IFT140: variants seen among roughly 807,000 people sequenced by gnomAD.
IFT140 encodes intraflagellar transport 140.
In IFT140, 133 loss-of-function variants were observed where a neutral mutation model predicts 164.6. The ratio of observed to expected loss-of-function variants is 0.81; its 90% CI spans 0.70 to 0.93. The LOEUF is 0.93. Ranked by LOEUF, IFT140 falls within the 40% of genes least tolerant of loss-of-function variation. The pLI is 0.00. For synonymous variants in IFT140, 860 were observed against 817.3 expected, an observed-to-expected ratio of 1.05 and a Z score of -0.89; for missense variants, 2,045 against 1,972.3, an observed-to-expected ratio of 1.04 and a Z score of -0.70.
chr16:1,546,594 C>T (rs1289576868), intron 19 of IFT140, among the ~76,000 whole-genome samples: 2 of 152,210 alleles, frequency 1.3e-5, no homozygotes, highest in Non-Finnish European at 2.9e-5. Context: ...AGGCGCATCC[C>T]ACGTGCTCCC....
rs776597097 is a variant in IFT140 at position 1,592,469 on chromosome 16, G to A, written c.489C>T (p.Gly163=). The change falls in exon 5 of 31, where the codon GGC becomes GGT. Residue 163 remains glycine, a splice_region_variant and synonymous_variant. Coordinates refer to ENST00000426508, the MANE Select transcript of IFT140 (RefSeq NM_014714.4). ...CACAGGGCAAGCCCCACACTTACTC[G>A]CCAGGAGGGGGGAGCCGGAAGATGC... ...THCIFRLPPP[G]EDLVQLAKAA... 3.7e-6 allele frequency: 6 copies of A among 1,613,974 alleles called. No individual in the cohort carries two copies. Among genetic ancestry groups the A allele is most frequent in the Non-Finnish European group, 3.4e-6 (4 of 1,179,970 alleles).
Position 1,562,041 on chromosome 16 carries a change from C to A in IFT140, c.2143G>T (p.Ala715Ser), listed in dbSNP as rs1282622431. 1.2e-6 allele frequency: 2 copies of A among 1,611,604 alleles called. No individual in the cohort carries two copies. Among genetic ancestry groups the A allele is most frequent in the African/African-American group, 1.3e-5 (1 of 74,880 alleles). ...ATCCCCAGGAGACTGTGGGAGGTGG[C>A]AGGCCGGGGGAAGCTCTCATGAAGC... ...FLLHESFPRP[A>S]TSHSLLGMEV... Residue 715 changes from alanine to serine, a missense_variant, in exon 18 of 31, where the codon GCC becomes TCC. Coordinates refer to ENST00000426508, the MANE Select transcript of IFT140 (RefSeq NM_014714.4).
At position 1,566,265 on chromosome 16, in the gene IFT140, G is replaced by C; in HGVS notation, c.1797C>G (p.Ile599Met). The change falls in exon 16 of 31, where the codon ATC becomes ATG. Residue 599 changes from isoleucine to methionine, a missense_variant. Coordinates refer to ENST00000426508, the MANE Select transcript of IFT140 (RefSeq NM_014714.4). Reference sequence around the variant, plus strand: ...TGTCCATTTCAACATCGTAGAAGCAGATTTTGGAATCAGGGCTGTTGTCAG... The same window carrying C: ...TGTCCATTTCAACATCGTAGAAGCACATTTTGGAATCAGGGCTGTTGTCAG... Reference protein sequence around the residue: ...SKADNSPDSKICFYDVEMDTV... With the variant: ...SKADNSPDSKMCFYDVEMDTV... 6.2e-7 allele frequency: 1 copy of C among 1,613,726 alleles called. No individual in the cohort carries two copies. The highest frequency in any genetic ancestry group is 1.3e-5 in the African/African-American group (1 of 75,042).
chr16:1,591,830 C>T (rs1182009902), intron 6 of IFT140, among the ~76,000 whole-genome samples: 1 of 152,230 alleles, frequency 6.6e-6, no homozygotes, highest in Non-Finnish European at 1.5e-5. Context: ...TTGATAATTA[C>T]ACAGACTGAA....
intron 3 of IFT140, chr16:1,604,350 C>CATTAAT (rs767358238): frequency 4.8e-5 from 7 of 146,136 alleles, no homozygotes; most frequent in Non-Finnish European, 1.0e-4. Flanking sequence ...GGCCACTTAG[C>CATTAAT]CACTTTCACC....
rs371891615 is a variant in IFT140, at chr16:1,561,981, G to A, written c.2199+4C>T. The A allele has an allele frequency of 5.0e-6, 8 of 1,596,308 alleles. No individual in the cohort carries two copies. Among genetic ancestry groups the A allele is most frequent in the African/African-American group, 1.4e-5 (1 of 73,970 alleles). ...ACACCTGTGCGGATGTCGTGGCTTC[G>A]TACCTTTCTTGTGAAGTAGTAATAA... is the stretch of plus-strand genomic sequence containing the variant. On this transcript the variant is annotated splice_donor_region_variant and intron_variant, in intron 18 of 30. Transcript: ENST00000426508.
At position 1,589,747 on chromosome 16, in the gene IFT140, G is replaced by A. The variant is rs764257641; in HGVS notation, c.668C>T (p.Thr223Ile). 4 of 1,614,058 alleles carry A rather than the reference G, an allele frequency of 2.5e-6. No homozygotes were observed. The highest frequency in any genetic ancestry group is 1.1e-5 in the South Asian group (1 of 91,088). Residue 223 changes from threonine (T) to isoleucine (I), a missense_variant, in exon 7 of 31, where the codon ACC (threonine) becomes ATC (isoleucine). Coordinates refer to ENST00000426508, the MANE Select transcript of IFT140 (RefSeq NM_014714.4). ...TVHYVDEKGK[T>I]TQVVSADSTI... Reference sequence around the variant, plus strand: ...GCTGTCTGCGGACACCACCTGAGTGGTCTTGCCCTTCTCATCCACATAGTG... The same window carrying A: ...GCTGTCTGCGGACACCACCTGAGTGATCTTGCCCTTCTCATCCACATAGTG...
intron 26 of IFT140, among the ~76,000 whole-genome samples, chr16:1,521,756 C>A (rs1408773071): frequency 6.6e-6 from 1 of 151,088 alleles, no homozygotes; most frequent in African/African-American, 2.4e-5. Context: ...CATGTTGGCT[C>A]ATGCCTGTAA....
intron 4 of IFT140, among the ~76,000 whole-genome samples, chr16:1,596,670 G>A (rs1036499340): frequency 3.3e-5 from 5 of 152,198 alleles, no homozygotes; most frequent in Admixed American, 1.3e-4. Flanking sequence ...GACGCAATGA[G>A]TCAAATATTC....
intron 3 of IFT140, among the ~76,000 whole-genome samples, chr16:1,604,243 C>T (rs2035937797): frequency 6.7e-6 from 1 of 149,744 alleles, no homozygotes; most frequent in Non-Finnish European, 1.5e-5. Context: ...ACAGGGGAGC[C>T]GCTGACCAGC....
intron 4 of IFT140, among the ~76,000 whole-genome samples, chr16:1,593,536 G>A (rs959710804): frequency 3.3e-5 from 5 of 152,178 alleles, no homozygotes; most frequent in East Asian, 1.9e-4. Context: ...GGGACCCCAC[G>A]TGACATCTGG....
intron 19 of IFT140, among the ~76,000 whole-genome samples, chr16:1,540,066 C>A (rs536498636): frequency 6.6e-6 from 1 of 152,110 alleles, no homozygotes; most frequent in African/African-American, 2.4e-5. Context: ...GGTAGGACGG[C>A]GGGGGGACCC....
At chr16:1,601,696 G>A (rs2035804294) in intron 4 of IFT140, among the ~76,000 whole-genome samples, 1 of 152,210 alleles carries the variant, frequency 6.6e-6, no homozygotes, top group Non-Finnish European at 1.5e-5. Context: ...GCACTTGTGT[G>A]TGCCTGAAGC....
intron 19 of IFT140, chr16:1,542,155 T>C (rs2031714732): frequency 7.0e-7 from 1 of 1,418,746 alleles, no homozygotes. Context: ...CCTGAGGCCT[T>C]GGGTGGCCTG....
rs920269870 is a variant in IFT140 at position 1,526,427 on chromosome 16, C to A, written c.2577+192G>T. 6.2e-6 allele frequency: 4 copies of A among 645,502 alleles called. No homozygotes were observed. The African/African-American group carries it at 7.4e-5, about 12-fold the overall frequency. 40.0% of individuals were successfully genotyped at this position (645,502 alleles called of 1,614,324 possible). On this transcript the variant is annotated intron_variant, in intron 20 of 30. Transcript: ENST00000426508. ...CTGACAGGCACACACCCTGGAGAGC[C>A]GGCGGTCGCCTAGCCTCCACCCACC...
At chr16:1,583,502 C>A in intron 11 of IFT140, 116 bp from the exon 12 acceptor site, 8 of 742,138 alleles carry the variant, frequency 1.1e-5, no homozygotes, top group Non-Finnish European at 1.8e-5. Flanking sequence ...GCTGCTCCAT[C>A]ATCCTACGAC....
intron 30 of IFT140, among the ~76,000 whole-genome samples, chr16:1,511,894 C>T (rs902605558): frequency 2.6e-5 from 4 of 151,554 alleles, no homozygotes; most frequent in Non-Finnish European, 5.9e-5. Context: ...CCAGGTCAGG[C>T]CGAGGTCCTG....
intron 14 of IFT140, among the ~76,000 whole-genome samples, chr16:1,569,229 G>A (rs559418268): frequency 1.1e-4 from 17 of 151,962 alleles, no homozygotes; most frequent in Non-Finnish European, 2.2e-4. Context: ...AGATGGTCTC[G>A]ATCTCCTTGA....
chr16:1,573,372 A>G (rs1014262528), intron 13 of IFT140, among the ~76,000 whole-genome samples: 9 of 151,716 alleles, frequency 5.9e-5, no homozygotes, highest in Admixed American at 5.9e-4. Context: ...TTCAGATCTG[A>G]GCTCAACTCT....
Sources: allele counts gnomAD v4.1 joint callset (sites outside exome capture counted in the v4.1 genomes callset), GRCh38; gene constraint gnomAD v4.1.1; transcripts MANE v1.5; gene names NCBI Gene and HGNC (gene_info 2026-07-23, HGNC 2026-07-21).